Variants in WBP1L observed in about 807,000 individuals in gnomAD.
WBP1L encodes WW domain binding protein 1 like.
In WBP1L, 17 loss-of-function variants were observed where a neutral mutation model predicts 33.7. The observed-to-expected ratio is 0.50, with a 90% confidence interval of 0.34 to 0.76. The LOEUF is 0.76. Ranked by LOEUF, WBP1L falls within the 30% of genes least tolerant of loss-of-function variation. WBP1L has a pLI of 0.01. For missense variants in WBP1L, 389 were observed against 469.4 expected (o/e 0.83, Z 1.58); for synonymous variants, 173 against 190.8 (o/e 0.91, Z 0.77).
chr10:102,758,597 C>T (rs1024478946), intron 1 of WBP1L, among the ~76,000 whole-genome samples: 1 of 152,172 alleles, frequency 6.6e-6, no homozygotes, highest in Non-Finnish European at 1.5e-5. Flanking sequence ...TGGGGCTTAG[C>T]GGGTGTTCTC....
intron 2 of WBP1L, among the ~76,000 whole-genome samples, chr10:102,804,633 G>A (rs1419527028): frequency 6.6e-6 from 1 of 152,148 alleles, no homozygotes; most frequent in African/African-American, 2.4e-5. Context: ...CTCACACTGT[G>A]TGTCCATCGA....
intron 1 of WBP1L, among the ~76,000 whole-genome samples, chr10:102,782,480 T>TA (rs1415220084): frequency 6.6e-6 from 1 of 151,768 alleles, no homozygotes; most frequent in Non-Finnish European, 1.5e-5. Flanking sequence ...TGGGGCTATT[T>TA]AAAAAAATGC....
At chr10:102,764,968 G>A (rs1378848159) in intron 1 of WBP1L, among the ~76,000 whole-genome samples, 3 of 152,080 alleles carry the variant, frequency 2.0e-5, no homozygotes, top group African/African-American at 7.2e-5. Flanking sequence ...ATCCAAAAAC[G>A]ATTGCTAGGG....
At chr10:102,776,183 A>G in intron 1 of WBP1L, 1 of 1,449,460 alleles carries the variant, frequency 6.9e-7, no homozygotes, top group South Asian at 1.4e-5. Context: ...GGGGTGGGCC[A>G]GAGCCAGGCA....
At chr10:102,769,616 C>T (rs1414246548) in intron 1 of WBP1L, among the ~76,000 whole-genome samples, 5 of 152,102 alleles carry the variant, frequency 3.3e-5, no homozygotes, top group Admixed American at 6.6e-5. Context: ...GGGGAAGTGA[C>T]GATTAATATC....
intron 2 of WBP1L, among the ~76,000 whole-genome samples, chr10:102,804,202 A>G (rs1843699168): frequency 6.6e-6 from 1 of 151,892 alleles, no homozygotes; most frequent in South Asian, 2.1e-4. Flanking sequence ...CAGCCTGGCC[A>G]ACATGGTGAA....
chr10:102,810,779 C>T (rs1843827072), intron 3 of WBP1L, among the ~76,000 whole-genome samples: 1 of 151,778 alleles, frequency 6.6e-6, no homozygotes. Flanking sequence ...GTTGGTCAGG[C>T]TGGCCTCGAA....
At chr10:102,806,714 G>C (rs1229186626) in intron 2 of WBP1L, among the ~76,000 whole-genome samples, 1 of 152,204 alleles carries the variant, frequency 6.6e-6, no homozygotes, top group Non-Finnish European at 1.5e-5. Flanking sequence ...AGCTTTGGTT[G>C]AACAGCGATA....
chr10:102,752,767 G>A (rs929736319), intron 1 of WBP1L, among the ~76,000 whole-genome samples: 18 of 152,096 alleles, frequency 1.2e-4, no homozygotes, highest in Admixed American at 3.9e-4. Context: ...TTGCTCTCAC[G>A]CACGCTTAGC....
chr10:102,779,830 G>C (rs1843314760), intron 1 of WBP1L, among the ~76,000 whole-genome samples: 1 of 152,262 alleles, frequency 6.6e-6, no homozygotes, highest in Admixed American at 6.5e-5. Flanking sequence ...AATCAGGCTA[G>C]GAGAGGCTTT....
At chr10:102,768,174 G>A (rs1042449860) in intron 1 of WBP1L, among the ~76,000 whole-genome samples, 2 of 151,598 alleles carry the variant, frequency 1.3e-5, no homozygotes, top group Non-Finnish European at 2.9e-5. Context: ...GGGTTCAAGC[G>A]ATTCGTTCTC....
chr10:102,803,889 G>C (rs891966187), intron 2 of WBP1L: 1 of 151,872 alleles, frequency 6.6e-6, no homozygotes, highest in African/African-American at 2.4e-5. Context: ...GAGCCACCGC[G>C]CCCAGCCAGG....
chr10:102,810,133 C>T, intron 3 of WBP1L, 79 bp downstream of exon 3: 1 of 1,522,152 alleles, frequency 6.6e-7, no homozygotes, highest in South Asian at 1.3e-5. Context: ...ATATTGGTGG[C>T]CAGGCTCCTG....
At chr10:102,773,858 A>C (rs886455226) in intron 1 of WBP1L, among the ~76,000 whole-genome samples, 17 of 120,828 alleles carry the variant, frequency 1.4e-4, no homozygotes, top group African/African-American at 6.2e-4. Flanking sequence ...TCTTAAAAAA[A>C]CAAAACAAAA....
intron 1 of WBP1L, among the ~76,000 whole-genome samples, chr10:102,790,703 G>A (rs1009501091): frequency 3.9e-5 from 6 of 152,044 alleles, no homozygotes; most frequent in South Asian, 2.1e-4. Flanking sequence ...ATTAGAGACA[G>A]GATTTCACTA....
intron 1 of WBP1L, among the ~76,000 whole-genome samples, chr10:102,779,020 T>A (rs1194615062): frequency 6.6e-6 from 1 of 152,050 alleles, no homozygotes; most frequent in Non-Finnish European, 1.5e-5. Flanking sequence ...GTTGCTGTTT[T>A]TTAACTTGAG....
chr10:102,744,039 A>G lies in WBP1L; in HGVS notation c.-15A>G. 6.5e-7 allele frequency: 1 copy of G among 1,542,334 alleles called. No individual in the cohort carries two copies. The highest frequency in any genetic ancestry group is 8.8e-7 in the Non-Finnish European group (1 of 1,140,548). On this transcript the variant is annotated 5_prime_UTR_variant, in exon 1 of 4. Coordinates refer to ENST00000448841, the MANE Select transcript of WBP1L (RefSeq NM_001083913.2). The stretch of plus-strand genomic sequence containing the variant: ...GGTGGCGGCGCCGTGGCGGAGGAGC[A>G]GGAGCAGGAGGGGGATGGAGAGGAG...
intron 1 of WBP1L, among the ~76,000 whole-genome samples, chr10:102,762,027 T>G (rs1843048242): frequency 6.6e-6 from 1 of 152,038 alleles, no homozygotes; most frequent in Non-Finnish European, 1.5e-5. Context: ...TTTAAAACAA[T>G]TTTTTTATAG....
At chr10:102,794,920 C>T (rs1843553939) in intron 1 of WBP1L, among the ~76,000 whole-genome samples, 1 of 152,106 alleles carries the variant, frequency 6.6e-6, no homozygotes, top group Non-Finnish European at 1.5e-5. Context: ...AGAGGTACAC[C>T]TTCTTTCGTA....
Sources: allele counts gnomAD v4.1 joint callset (sites outside exome capture counted in the v4.1 genomes callset), GRCh38; gene constraint gnomAD v4.1.1; transcripts MANE v1.5; gene names NCBI Gene and HGNC (gene_info 2026-07-23, HGNC 2026-07-21).